Variants in CUX1 observed in about 807,000 individuals in gnomAD.
CUX1 encodes the protein cut like homeobox 1.
Under a neutral mutation model 158.8 loss-of-function variants are expected in CUX1, and 31 were observed. The ratio of observed to expected loss-of-function variants is 0.20; its 90% CI spans 0.15 to 0.26. The LOEUF (loss-of-function observed/expected upper bound fraction) is 0.26, where lower values mean the gene tolerates loss of function less well. Among genes scored for constraint, CUX1 ranks in the 10% least tolerant of loss-of-function variants. The pLI is 1.00. For missense variants in CUX1, 1,589 were observed against 2,014.6 expected (o/e 0.79, Z 4.04); for synonymous variants, 879 against 862.1 (o/e 1.02, Z -0.34).
At chr7:101,902,266 CA>C (rs1562984241) in intron 1 of CUX1, among the ~76,000 whole-genome samples, 1 of 152,204 alleles carries the variant, frequency 6.6e-6, no homozygotes, top group Non-Finnish European at 1.5e-5. Context: ...GTCATCTGAT[CA>C]TCAGCTTCCT....
At chr7:101,907,547 C>A (rs1379964155) in intron 1 of CUX1, among the ~76,000 whole-genome samples, 2 of 152,080 alleles carry the variant, frequency 1.3e-5, no homozygotes, top group Non-Finnish European at 2.9e-5. Context: ...CAGGGTTTCA[C>A]CATGTTGGCC....
At chr7:101,914,667 T>C (rs1040319007) in intron 1 of CUX1, among the ~76,000 whole-genome samples, 1 of 151,516 alleles carries the variant, frequency 6.6e-6, no homozygotes, top group Non-Finnish European at 1.5e-5. Context: ...CCTGGCTAAT[T>C]TTTGTATTTT....
intron 12 of CUX1, 108 bp downstream of exon 12, chr7:102,189,979 C>G (rs987418674): frequency 2.6e-6 from 3 of 1,139,628 alleles, no homozygotes; most frequent in Middle Eastern, 2.6e-4. Flanking sequence ...CCCTCTGGCT[C>G]AGCAGATGCC....
chr7:102,219,193 A>T (rs184932069), intron 20 of CUX1, among the ~76,000 whole-genome samples: 110 of 151,614 alleles, frequency 7.3e-4, no homozygotes, highest in African/African-American at 2.6e-3. Context: ...GTCCCTGCAG[A>T]GGGTGTGTGT....
chr7:101,971,613 A>G (rs1257854932), intron 2 of CUX1, among the ~76,000 whole-genome samples: 7 of 152,248 alleles, frequency 4.6e-5, no homozygotes, highest in Non-Finnish European at 1.0e-4. Flanking sequence ...TGAGCTTCCC[A>G]GCAACCAATG....
chr7:102,152,578 A>T (rs1260925350), intron 8 of CUX1, among the ~76,000 whole-genome samples: 5 of 152,090 alleles, frequency 3.3e-5, no homozygotes, highest in Non-Finnish European at 7.4e-5. Flanking sequence ...TTTTAGTAGA[A>T]ACGGGGTTTC....
chr7:102,241,621 A>C (rs1435351958), intron 23 of CUX1, among the ~76,000 whole-genome samples: 1 of 152,206 alleles, frequency 6.6e-6, no homozygotes, highest in Non-Finnish European at 1.5e-5. Context: ...ACAAATTGGG[A>C]AACTAAAATA....
rs576922218 is a variant in CUX1 at position 101,940,762 on chromosome 7, T to A, written c.141+24537T>A. ...GATCAGTCCACATCTGTTGCTTGGC[T>A]GATTGATTAAATGCTGTGGTGCCCG... is the stretch of plus-strand genomic sequence containing the variant. On this transcript the variant is annotated intron_variant, in intron 2 of 23. Coordinates refer to ENST00000292535, the MANE Select transcript of CUX1 (RefSeq NM_181552.4). Among the ~76,000 whole-genome samples, 6 of 152,272 alleles carry A rather than the reference T, an allele frequency of 3.9e-5. No homozygotes were observed. The South Asian group carries it at 1.2e-3, about 32-fold the overall frequency.
At chr7:102,246,594 C>T (rs559881970) in intron 23 of CUX1, among the ~76,000 whole-genome samples, 1 of 151,108 alleles carries the variant, frequency 6.6e-6, no homozygotes, top group South Asian at 2.1e-4. Flanking sequence ...TCCCTTGAGA[C>T]AGGATCTTGC....
intron 1 of CUX1, among the ~76,000 whole-genome samples, chr7:101,894,917 G>C (rs548230538): frequency 1.3e-5 from 2 of 152,142 alleles, no homozygotes; most frequent in Non-Finnish European, 2.9e-5. Flanking sequence ...CCCTAGGTAT[G>C]ATTGAGCTCC....
At chr7:101,886,113 G>A (rs1800197950) in intron 1 of CUX1, among the ~76,000 whole-genome samples, 1 of 152,216 alleles carries the variant, frequency 6.6e-6, no homozygotes, top group Non-Finnish European at 1.5e-5. Context: ...GGCCCTGAAT[G>A]TGGGTGGTTA....
chr7:102,174,475 C>T (rs1285936675), intron 10 of CUX1, among the ~76,000 whole-genome samples: 2 of 152,170 alleles, frequency 1.3e-5, no homozygotes, highest in Non-Finnish European at 2.9e-5. Flanking sequence ...CTAGCTTTTG[C>T]CCATGTCTCT....
chr7:102,252,470 A>G lies in CUX1; in HGVS notation c.*3428A>G. ...GGGAAACGGTTCCATATAAAACACT[A>G]ACACTTAATTACAAGCTCCATTATG... On this transcript the variant is annotated 3_prime_UTR_variant, in exon 24 of 24. Coordinates refer to ENST00000292535, the MANE Select transcript of CUX1 (RefSeq NM_181552.4). 1 of 985,498 alleles carries G rather than the reference A, an allele frequency of 1.0e-6. No individual in the cohort carries two copies. The highest frequency in any genetic ancestry group is 1.2e-6 in the Non-Finnish European group (1 of 829,948). The allele number at this position is 985,498 out of a possible 1,614,324, so 61.0% of individuals were successfully genotyped here.
chr7:102,222,751 G>A (rs1251521489), intron 20 of CUX1, among the ~76,000 whole-genome samples: 2 of 149,878 alleles, frequency 1.3e-5, no homozygotes, highest in African/African-American at 2.5e-5. Context: ...GCTGTACAGG[G>A]GCTGTTTAGA....
intron 5 of CUX1, among the ~76,000 whole-genome samples, chr7:102,103,459 C>G (rs531456908): frequency 6.7e-6 from 1 of 148,792 alleles, no homozygotes. Flanking sequence ...CTCACTCACT[C>G]ACACTCTGTC....
chr7:101,878,633 T>C (rs1244382786), intron 1 of CUX1, among the ~76,000 whole-genome samples: 2 of 151,296 alleles, frequency 1.3e-5, no homozygotes, highest in Non-Finnish European at 2.9e-5. Flanking sequence ...ATTCTATTAA[T>C]AAAGAGAAAA....
intron 10 of CUX1, among the ~76,000 whole-genome samples, chr7:102,175,749 G>A (rs892846784): frequency 2.0e-5 from 3 of 152,142 alleles, no homozygotes; most frequent in African/African-American, 7.2e-5. Flanking sequence ...GGCTCGTGAC[G>A]TTGGCCCTGC....
intron 5 of CUX1, among the ~76,000 whole-genome samples, chr7:102,102,095 G>A (rs1829840064): frequency 6.6e-6 from 1 of 152,030 alleles, no homozygotes; most frequent in African/African-American, 2.4e-5. Context: ...ACCAACCACT[G>A]TGTGCACAGA....
chr7:102,096,238 T>C (rs918488797), intron 4 of CUX1, among the ~76,000 whole-genome samples: 3 of 152,266 alleles, frequency 2.0e-5, no homozygotes, highest in Admixed American at 6.5e-5. Context: ...GCTGTGCCTC[T>C]GCAGGGGTCT....
Sources: allele counts gnomAD v4.1 joint callset (sites outside exome capture counted in the v4.1 genomes callset), GRCh38; gene constraint gnomAD v4.1.1; transcripts MANE v1.5; gene names NCBI Gene and HGNC (gene_info 2026-07-23, HGNC 2026-07-21).